Variants in SMAD5 observed in about 807,000 individuals in gnomAD.
SMAD5 encodes the protein SMAD family member 5.
A neutral mutation model predicts 43.1 loss-of-function variants in SMAD5; 9 were observed. The ratio of observed to expected loss-of-function variants is 0.21; its 90% CI spans 0.13 to 0.36. SMAD5 has a LOEUF of 0.36. Among genes scored for constraint, SMAD5 ranks in the 10% least tolerant of loss-of-function variants. The probability of loss-of-function intolerance (pLI) is 1.00; values close to 1 mark genes in which losing one functional copy is unlikely to be tolerated. For synonymous variants in SMAD5, 190 were observed against 192.4 expected, an observed-to-expected ratio of 0.99 and a Z score of 0.10; for missense variants, 348 against 574.0, an observed-to-expected ratio of 0.61 and a Z score of 4.02.
chr5:136,163,131 C>T (rs1286792308), intron 4 of SMAD5, 141 bp from the exon 5 acceptor site: 3 of 618,664 alleles, frequency 4.8e-6, no homozygotes, highest in African/African-American at 1.9e-5. Context: ...TTTTCCCTTG[C>T]CCTAGGATAG....
chr5:136,146,022 ATAGT>A (rs1357247782), intron 1 of SMAD5, among the ~76,000 whole-genome samples: 7 of 151,856 alleles, frequency 4.6e-5, no homozygotes, highest in African/African-American at 1.2e-4. Context: ...TGTATCGTAG[ATAGT>A]TATGGGCACA....
Position 136,170,985 on chromosome 5 carries a change from A to G in SMAD5, c.776-1449A>G, listed in dbSNP as rs138161262. Among the ~76,000 whole-genome samples, 68 of 152,306 alleles carry G rather than the reference A, an allele frequency of 4.5e-4. 1 individual carries two copies. The East Asian group carries it at 0.012, about 26-fold the overall frequency. On this transcript the variant is annotated intron_variant, in intron 5 of 7. Coordinates refer to ENST00000545279, the MANE Select transcript of SMAD5 (RefSeq NM_005903.7). The stretch of plus-strand genomic sequence containing the variant: ...TTTTGGTCAGTTCTTTCTTATTTTT[A>G]CATAGACAATCATGTAATTTGCAAA...
chr5:136,151,288 G>A (rs1320359179), intron 2 of SMAD5, among the ~76,000 whole-genome samples: 1 of 151,984 alleles, frequency 6.6e-6, no homozygotes, highest in Non-Finnish European at 1.5e-5. Context: ...TATAAAAAAT[G>A]AACAGGGTCA....
chr5:136,150,227 C>T (rs1753409385), intron 2 of SMAD5, among the ~76,000 whole-genome samples: 1 of 151,792 alleles, frequency 6.6e-6, no homozygotes, highest in South Asian at 2.1e-4. Context: ...ACCTGTATCT[C>T]CAGTCATGAC....
At chr5:136,149,565 C>T (rs1485818326) in intron 2 of SMAD5, among the ~76,000 whole-genome samples, 1 of 150,542 alleles carries the variant, frequency 6.6e-6, no homozygotes. Context: ...TTTTTGCATT[C>T]ATGTGATAAC....
intron 2 of SMAD5, among the ~76,000 whole-genome samples, 173 bp from the exon 3 acceptor site, chr5:136,153,419 G>T (rs1187336967): frequency 1.3e-5 from 2 of 152,018 alleles, no homozygotes; most frequent in African/African-American, 4.8e-5. Flanking sequence ...TTCATATTAT[G>T]GGGAAGGAAT....
chr5:136,174,499 T>G lies in SMAD5; in HGVS notation c.1121T>G (p.Ile374Ser), dbSNP rs1386109987. 6.2e-7 allele frequency: 1 copy of G among 1,613,924 alleles called. No homozygotes were observed. Among genetic ancestry groups the G allele is most frequent in the Non-Finnish European group, 8.5e-7 (1 of 1,179,842 alleles). Residue 374 changes from isoleucine to serine, a missense_variant, in exon 7 of 8, where the codon ATT becomes AGT. Transcript: ENST00000545279. ...TTTCATCCCACCACTGTCTGTAAGA[T>G]TCCCAGCAGCTGCAGCCTCAAAATT... ...HGFHPTTVCK[I>S]PSSCSLKIFN... is the part of the protein sequence containing the mutation.
chr5:136,146,899 G>A (rs933563884), intron 1 of SMAD5, among the ~76,000 whole-genome samples: 7 of 151,594 alleles, frequency 4.6e-5, no homozygotes, highest in African/African-American at 1.7e-4. Context: ...ATATATTCGG[G>A]TGAGGGAAGA....
intron 5 of SMAD5, 43 bp downstream of exon 5, chr5:136,163,434 T>A: frequency 6.8e-7 from 1 of 1,480,246 alleles, no homozygotes; most frequent in Non-Finnish European, 9.1e-7. Flanking sequence ...GTAGTAGTTG[T>A]TTTTAACTTA....
At chr5:136,165,105 T>C (rs1753951060) in intron 5 of SMAD5, among the ~76,000 whole-genome samples, 1 of 152,146 alleles carries the variant, frequency 6.6e-6, no homozygotes, top group African/African-American at 2.4e-5. Flanking sequence ...TAAAGGTTTT[T>C]CCCCCTATTT....
chr5:136,161,729 A>G (rs1753831439), intron 4 of SMAD5, among the ~76,000 whole-genome samples: 1 of 152,244 alleles, frequency 6.6e-6, no homozygotes, highest in Non-Finnish European at 1.5e-5. Context: ...ATATATGGAC[A>G]TGTCAGTATG....
In SMAD5 at chr5:136,153,687, G is replaced by A. The variant is rs1206121369; in HGVS notation, c.-74G>A. On this transcript the variant is annotated 5_prime_UTR_variant, in exon 3 of 8. Coordinates refer to ENST00000545279, the MANE Select transcript of SMAD5 (RefSeq NM_005903.7). ...CTTCTGCTTAGGACCTGTGTATGAC[G>A]TTTCACCTGTGATCTGTTCTTTCGG... 14 of 1,287,956 alleles carry A rather than the reference G, an allele frequency of 1.1e-5. No homozygotes were observed. In the East Asian group the frequency reaches 1.3e-4, roughly 12 times the overall value. The allele number at this position is 1,287,956 out of a possible 1,614,324, so 79.8% of individuals were successfully genotyped here.
intron 1 of SMAD5, chr5:136,134,433 T>C (rs1395390404): frequency 6.6e-6 from 1 of 152,234 alleles, no homozygotes; most frequent in Admixed American, 6.5e-5. Flanking sequence ...TCCAAATAGC[T>C]TACAATTTCT....
At position 136,179,521 on chromosome 5, in the gene SMAD5, T is replaced by G. The variant is rs1385127638; in HGVS notation, c.*2041T>G. ...ATTATGCAATTTCTTTTGTTTTCTG[T>G]GTCATTATTTATTGCTTTTTCAATG... On this transcript the variant is annotated 3_prime_UTR_variant, in exon 8 of 8. Coordinates refer to ENST00000545279, the MANE Select transcript of SMAD5 (RefSeq NM_005903.7). 6.6e-6 allele frequency: 1 copy of G among 152,530 alleles called. No homozygotes were observed. The highest frequency in any genetic ancestry group is 2.4e-5 in the African/African-American group (1 of 41,440). 9.4% of individuals were successfully genotyped at this position (152,530 alleles called of 1,614,324 possible).
At chr5:136,164,291 G>C (rs975167677) in intron 5 of SMAD5, among the ~76,000 whole-genome samples, 1 of 152,154 alleles carries the variant, frequency 6.6e-6, no homozygotes, top group African/African-American at 2.4e-5. Context: ...GAATAACATG[G>C]TAAGTTTAAC....
intron 3 of SMAD5, among the ~76,000 whole-genome samples, chr5:136,156,955 A>AC (rs34662501): frequency 0.21 from 31,885 of 152,042 alleles, 3,436 homozygotes; most frequent in African/African-American, 0.25. Flanking sequence ...TAGCTTGCTG[A>AC]CCCCCCATGA....
chr5:136,164,587 G>T (rs1046712535), intron 5 of SMAD5, among the ~76,000 whole-genome samples: 7 of 152,140 alleles, frequency 4.6e-5, no homozygotes, highest in Admixed American at 2.0e-4. Context: ...TTACTGAGTT[G>T]TAAGAATTTT....
intron 1 of SMAD5, chr5:136,134,997 A>G (rs971962429): frequency 6.6e-6 from 1 of 152,264 alleles, no homozygotes; most frequent in African/African-American, 2.4e-5. Context: ...GGAAGAGAGC[A>G]GCAAACTGGA....
chr5:136,154,872 C>T (rs1315854740), intron 3 of SMAD5, among the ~76,000 whole-genome samples: 1 of 152,116 alleles, frequency 6.6e-6, no homozygotes, highest in African/African-American at 2.4e-5. Context: ...TCCTTCCATC[C>T]TACTCAAAAC....
Sources: gnomAD v4.1 joint callset for allele counts (sites outside exome capture counted in the v4.1 genomes callset) on GRCh38, gnomAD v4.1.1 for gene constraint, MANE v1.5 for transcripts, NCBI Gene and HGNC (gene_info 2026-07-23, HGNC 2026-07-21) for gene names.